SETD2: variants seen among roughly 807,000 people sequenced by gnomAD.
SETD2 encodes SET domain containing 2, histone lysine methyltransferase, also known as histone-lysine N-methyltransferase SETD2.
SETD2 carries 31 observed loss-of-function variants against 242.1 expected under a neutral mutation model. That is an observed-to-expected ratio of 0.13 (90% CI 0.10 to 0.17). SETD2 has a LOEUF of 0.17. Among genes scored for constraint, SETD2 ranks in the 10% least tolerant of loss-of-function variants. SETD2 has a pLI of 1.00. For synonymous variants in SETD2, 1,006 were observed against 1,066.5 expected (o/e 0.94, Z 1.11); for missense variants, 2,481 against 3,046.3 (o/e 0.81, Z 4.37).
chr3:47,117,413 AAC>A (rs1026943429), intron 3 of SETD2, among the ~76,000 whole-genome samples: 2 of 152,188 alleles, frequency 1.3e-5, no homozygotes, highest in African/African-American at 4.8e-5. Context: ...TTGGATTCAG[AAC>A]AGTTTCAAGT....
intron 13 of SETD2, among the ~76,000 whole-genome samples, chr3:47,063,908 G>A (rs570722732): frequency 2.0e-5 from 3 of 151,994 alleles, no homozygotes; most frequent in South Asian, 2.1e-4. Flanking sequence ...GCTTGAACCC[G>A]GGAGGCAGAA....
chr3:47,149,828 C>T (rs2106820017), intron 1 of SETD2, among the ~76,000 whole-genome samples: 1 of 152,238 alleles, frequency 6.6e-6, no homozygotes, highest in Admixed American at 6.5e-5. Context: ...GGTTAAAAGG[C>T]TCGATATAAT....
At position 47,021,818 on chromosome 3, in the gene SETD2, T is replaced by C. The variant is rs560080448; in HGVS notation, c.7351-1978A>G. Among the ~76,000 whole-genome samples, 7 of 152,228 alleles carry C rather than the reference T, an allele frequency of 4.6e-5. No homozygotes were observed. The South Asian group carries it at 1.5e-3, about 32-fold the overall frequency. Reference sequence around the variant, plus strand: ...GCACTTGTTATTGACATGAACAACCTTAGGACCCCCCACTCCAAAAAAGTC... The same window carrying C: ...GCACTTGTTATTGACATGAACAACCCTAGGACCCCCCACTCCAAAAAAGTC... On this transcript the variant is annotated intron_variant, in intron 18 of 20. Coordinates refer to ENST00000409792, the MANE Select transcript of SETD2 (RefSeq NM_014159.7).
chr3:47,064,967 C>A (rs573931992), intron 13 of SETD2, among the ~76,000 whole-genome samples: 1 of 152,178 alleles, frequency 6.6e-6, no homozygotes, highest in African/African-American at 2.4e-5. Context: ...TCATCCTCTG[C>A]ATCTCATGGA....
chr3:47,044,498 G>A (rs1211500259), intron 16 of SETD2, among the ~76,000 whole-genome samples: 1 of 150,088 alleles, frequency 6.7e-6, no homozygotes, highest in African/African-American at 2.5e-5. Flanking sequence ...TTCACTAACT[G>A]TCCTGTCTAA....
At chr3:47,079,650 A>G (rs6414435) in intron 12 of SETD2, among the ~76,000 whole-genome samples, 98,901 of 152,020 alleles carry the variant, frequency 0.65, 32,627 homozygotes, top group African/African-American at 0.76. Flanking sequence ...AGGCTTTGTG[A>G]GCCATCCAGT....
chr3:47,062,294 C>T lies in SETD2; in HGVS notation c.6162G>A (p.Pro2054=), dbSNP rs760543486. 35 of 1,613,200 alleles carry T rather than the reference C, an allele frequency of 2.2e-5. No homozygotes were observed. Among genetic ancestry groups the T allele is most frequent in the Non-Finnish European group, 2.7e-5 (32 of 1,179,788 alleles). Residue 2054 remains proline (P), a synonymous_variant, in exon 14 of 21, where the codon CCG becomes CCA. Coordinates refer to ENST00000409792, the MANE Select transcript of SETD2 (RefSeq NM_014159.7). The part of the protein sequence containing the change: ...AVGFRDQTPA[P]KTPNRSRERD... ...TCTCTCTTGACCTATTAGGAGTCTT[C>T]GGGGCAGGTGTTTGATCTCTGAAGC...
chr3:47,154,532 A>G (rs1002343636), intron 1 of SETD2, among the ~76,000 whole-genome samples: 4 of 152,156 alleles, frequency 2.6e-5, no homozygotes, highest in Non-Finnish European at 4.4e-5. Context: ...AAAAATAAAA[A>G]CCAAAAAAAG....
chr3:47,131,468 C>T (rs968235196), intron 1 of SETD2, among the ~76,000 whole-genome samples: 7 of 152,032 alleles, frequency 4.6e-5, no homozygotes, highest in Non-Finnish European at 8.8e-5. Flanking sequence ...CTCAGCCTCC[C>T]GAGTAGCTGG....
rs193130125 is a variant in SETD2, at chr3:47,119,087, G to A, written c.4454+1095C>T. 2.0e-3 allele frequency among the ~76,000 whole-genome samples: 297 copies of A among 152,172 alleles called. 3 individuals are homozygous for A. The highest frequency in any genetic ancestry group is 6.5e-3 in the African/African-American group (271 of 41,518). On this transcript the variant is annotated intron_variant, in intron 3 of 20. Coordinates refer to ENST00000409792, the MANE Select transcript of SETD2 (RefSeq NM_014159.7). ...ATTTAATAACATTTTGATCCTTAAA[G>A]ATACAATGGCTAGGTTGATTCTCAA...
chr3:47,103,646 G>A (rs1475891605), intron 6 of SETD2, among the ~76,000 whole-genome samples: 1 of 151,946 alleles, frequency 6.6e-6, no homozygotes, highest in African/African-American at 2.4e-5. Context: ...GAAGACAGAT[G>A]ACACTGTGAA....
At chr3:47,038,382 G>C (rs1008990409) in intron 17 of SETD2, among the ~76,000 whole-genome samples, 1 of 152,190 alleles carries the variant, frequency 6.6e-6, no homozygotes, top group Non-Finnish European at 1.5e-5. Flanking sequence ...GGGAGGCTGA[G>C]GCAGGTGGAT....
At chr3:47,027,324 G>A (rs555664835) in intron 18 of SETD2, among the ~76,000 whole-genome samples, 133 of 127,694 alleles carry the variant, frequency 1.0e-3, no homozygotes, top group African/African-American at 3.7e-3. Context: ...GCGACAGAGC[G>A]AGACTCCATC....
At chr3:47,162,530 A>C (rs1697520800) in intron 1 of SETD2, among the ~76,000 whole-genome samples, 1 of 152,264 alleles carries the variant, frequency 6.6e-6, no homozygotes, top group African/African-American at 2.4e-5. Context: ...CTTGTTGTGC[A>C]GAAATGACCA....
At chr3:47,142,579 A>G (rs927073218) in intron 1 of SETD2, among the ~76,000 whole-genome samples, 6 of 152,106 alleles carry the variant, frequency 3.9e-5, no homozygotes, top group Non-Finnish European at 7.4e-5. Flanking sequence ...ATGTACTGTT[A>G]AGGAAAAAAA....
chr3:47,123,090 T>C lies in SETD2; in HGVS notation c.1546A>G (p.Arg516Gly). 6.2e-7 allele frequency: 1 copy of C among 1,613,690 alleles called. No homozygotes were observed. The highest frequency in any genetic ancestry group is 8.5e-7 in the Non-Finnish European group (1 of 1,179,774). ...RRGKYSSKLE[R>G]ESKRTSENEA... ...TTTTCTGAAGTCCTTTTAGATTCTC[T>C]TTCTAGTTTTGAAGAATACTTGCCT... The change falls in exon 3 of 21, where the codon AGA becomes GGA. Residue 516 changes from arginine (R) to glycine (G), a missense_variant. This residue lies in a region of SETD2 where 1,300 missense variants were observed against 1,259.2 expected (regional missense o/e 1.03). Transcript: ENST00000409792.
intron 18 of SETD2, among the ~76,000 whole-genome samples, chr3:47,032,000 A>G (rs1407124848): frequency 6.6e-6 from 1 of 152,234 alleles, no homozygotes; most frequent in Non-Finnish European, 1.5e-5. Flanking sequence ...CGCTTAGAAT[A>G]CAGCTGAAGT....
chr3:47,033,198 A>G (rs2038853201), intron 18 of SETD2, among the ~76,000 whole-genome samples: 3 of 152,300 alleles, frequency 2.0e-5, no homozygotes, highest in Admixed American at 6.5e-5. Context: ...GCTATTCCCC[A>G]AACATATCCC....
chr3:47,057,719 C>T (rs2040141204), intron 14 of SETD2, among the ~76,000 whole-genome samples: 1 of 152,074 alleles, frequency 6.6e-6, no homozygotes, highest in South Asian at 2.1e-4. Context: ...TCATCTCTAC[C>T]CTTAGTTTCT....
Sources: allele counts gnomAD v4.1 joint callset (sites outside exome capture counted in the v4.1 genomes callset), GRCh38; gene constraint gnomAD v4.1.1; regional missense constraint gnomAD v4.1.1; transcripts MANE v1.5; gene names NCBI Gene and HGNC (gene_info 2026-07-23, HGNC 2026-07-21).